EPHB2: variants seen among roughly 807,000 people sequenced by gnomAD.
EPHB2 encodes the protein ephrin type-B receptor 2.
A neutral mutation model predicts 96.4 loss-of-function variants in EPHB2; 18 were observed. That is an observed-to-expected ratio of 0.19 (90% confidence interval 0.13 to 0.28). The LOEUF is 0.28. Ranked by LOEUF, EPHB2 falls within the 10% of genes least tolerant of loss-of-function variation. The pLI, the probability that EPHB2 is intolerant of heterozygous loss-of-function variation, is 1.00. For missense variants in EPHB2, 989 were observed against 1,355.4 expected (o/e 0.73, Z 4.25); for synonymous variants, 506 against 534.1 (o/e 0.95, Z 0.72).
At chr1:22,873,987 A>G (rs1388201782) in intron 5 of EPHB2, among the ~76,000 whole-genome samples, 1 of 152,170 alleles carries the variant, frequency 6.6e-6, no homozygotes, top group East Asian at 1.9e-4. Context: ...GCCACATCCC[A>G]TTTTACAGGT....
rs973793136 is a variant in EPHB2, at chr1:22,815,818, C to T, written c.811+30742C>T. Among the ~76,000 whole-genome samples the T allele has an allele frequency of 1.9e-4, 29 of 152,154 alleles. 1 individual carries two copies. Among genetic ancestry groups the T allele is most frequent in the Admixed American group, 1.8e-3 (28 of 15,276 alleles). On this transcript the variant is annotated intron_variant, in intron 3 of 15. Coordinates refer to ENST00000374630, the MANE Select transcript of EPHB2 (RefSeq NM_017449.5). ...CAGTGTGGGGGTCTGGGGCTGGAAGCATGGCTGGGAGCCCGGGGCGGTGCT... is the reference window on the plus strand; with the variant it reads ...CAGTGTGGGGGTCTGGGGCTGGAAGTATGGCTGGGAGCCCGGGGCGGTGCT...
At chr1:22,763,525 C>T (rs1422515952) in intron 1 of EPHB2, among the ~76,000 whole-genome samples, 7 of 152,096 alleles carry the variant, frequency 4.6e-5, no homozygotes, top group Admixed American at 3.9e-4. Context: ...ACTAAAGTGG[C>T]CAGGCCCTCC....
chr1:22,745,250 C>T (rs12093721), intron 1 of EPHB2, among the ~76,000 whole-genome samples: 2,167 of 152,190 alleles, frequency 0.014, 63 homozygotes, highest in African/African-American at 0.049. Flanking sequence ...TGGAATATGA[C>T]GCAGGAATAA....
At chr1:22,849,859 C>A (rs1263348454) in intron 3 of EPHB2, among the ~76,000 whole-genome samples, 1 of 152,232 alleles carries the variant, frequency 6.6e-6, no homozygotes, top group Non-Finnish European at 1.5e-5. Flanking sequence ...GCCTGCAGAA[C>A]CCACACTGAA....
chr1:22,893,314 C>T (rs1639452332), intron 7 of EPHB2, among the ~76,000 whole-genome samples: 2 of 152,262 alleles, frequency 1.3e-5, no homozygotes, highest in African/African-American at 4.8e-5. Context: ...CTGAGCAAGT[C>T]ATGCATTCCT....
At chr1:22,719,641 C>T (rs1478725212) in intron 1 of EPHB2, 1 of 152,266 alleles carries the variant, frequency 6.6e-6, no homozygotes, top group Non-Finnish European at 1.5e-5. Flanking sequence ...GGATCTGCCC[C>T]TGTTACCCTG....
At chr1:22,880,943 T>C (rs2148548671) in intron 5 of EPHB2, among the ~76,000 whole-genome samples, 1 of 152,322 alleles carries the variant, frequency 6.6e-6, no homozygotes, top group African/African-American at 2.4e-5. Context: ...ACCCCCTCTC[T>C]TGACCTCAGT....
In EPHB2 at chr1:22,762,818, G is replaced by A. The variant is rs78710447; in HGVS notation, c.62-18603G>A. On this transcript the variant is annotated intron_variant, in intron 1 of 15. Coordinates refer to ENST00000374630, the MANE Select transcript of EPHB2 (RefSeq NM_017449.5). ...AATGGGAGTGTGATGGCCCCACACC[G>A]TAGCAGGCCTGGGTGAACTCTGCGC... Among the ~76,000 whole-genome samples, 565 of 152,256 alleles carry A rather than the reference G, an allele frequency of 3.7e-3. 23 individuals carry two copies. The East Asian group carries it at 0.086, about 23-fold the overall frequency.
Position 22,765,089 on chromosome 1 carries a change from T to C in EPHB2, c.62-16332T>C, listed in dbSNP as rs139076907. Among the ~76,000 whole-genome samples the C allele has an allele frequency of 2.1e-3, 319 of 152,198 alleles. 1 individual carries two copies. Among genetic ancestry groups the C allele is most frequent in the Non-Finnish European group, 3.7e-3 (255 of 68,018 alleles). ...GTGTCTGTCTGAGTCTAATTCTGTA[T>C]CTGGGTGAGGGTGAGGAGCCGGACA... On this transcript the variant is annotated intron_variant, in intron 1 of 15. Transcript: ENST00000374630.
intron 1 of EPHB2, among the ~76,000 whole-genome samples, chr1:22,727,980 C>A (rs1643622009): frequency 6.6e-6 from 1 of 151,818 alleles, no homozygotes; most frequent in South Asian, 2.1e-4. Flanking sequence ...GCCTCTAGCC[C>A]TCTTGAGAGT....
At position 22,737,361 on chromosome 1, in the gene EPHB2, G is replaced by A. The variant is rs201134111; in HGVS notation, c.61+26318G>A. On this transcript the variant is annotated intron_variant, in intron 1 of 15. Coordinates refer to ENST00000374630, the MANE Select transcript of EPHB2 (RefSeq NM_017449.5). ...AAAAATCAAGGTCAAACAGCTGCTCGTTGACCTGGCCCCTGAGGCCTTCTC... is the reference window on the plus strand; with the variant it reads ...AAAAATCAAGGTCAAACAGCTGCTCATTGACCTGGCCCCTGAGGCCTTCTC... 2.8e-3 allele frequency among the ~76,000 whole-genome samples: 427 copies of A among 152,268 alleles called. 2 individuals are homozygous for A. The highest frequency in any genetic ancestry group is 4.3e-3 in the East Asian group (22 of 5,176).
chr1:22,748,364 G>A (rs74632103), intron 1 of EPHB2, among the ~76,000 whole-genome samples: 9,299 of 151,398 alleles, frequency 0.061, 823 homozygotes, highest in African/African-American at 0.19. Flanking sequence ...ACCTCAAGGG[G>A]GCTTTCTGGG....
intron 3 of EPHB2, among the ~76,000 whole-genome samples, chr1:22,824,565 G>A (rs1392898864): frequency 6.6e-6 from 1 of 152,250 alleles, no homozygotes; most frequent in Non-Finnish European, 1.5e-5. Flanking sequence ...GCCAGAAGGA[G>A]GGAGGGAAGA....
At chr1:22,896,290 C>A in intron 8 of EPHB2, 124 bp from the exon 9 acceptor site, 2 of 1,216,928 alleles carry the variant, frequency 1.6e-6, no homozygotes, top group Non-Finnish European at 2.4e-6. Context: ...AAGGGGCAGG[C>A]AGGGAGCCCT....
At chr1:22,750,533 C>G (rs1039203703) in intron 1 of EPHB2, among the ~76,000 whole-genome samples, 4 of 152,174 alleles carry the variant, frequency 2.6e-5, no homozygotes, top group African/African-American at 9.7e-5. Context: ...CTTCCCTTCT[C>G]CTCCGTGCCT....
In EPHB2 at chr1:22,909,001, C is replaced by G. The variant is rs1348249707; in HGVS notation, c.2353-21C>G. 5 of 1,614,108 alleles carry G rather than the reference C, an allele frequency of 3.1e-6. No individual in the cohort carries two copies. In the South Asian group the frequency reaches 5.5e-5, roughly 18 times the overall value. On this transcript the variant is annotated intron_variant, in intron 12 of 15. Transcript: ENST00000374630. ...ACAGGCCAGCCTCCCACCCACAAACCCTCCTCTTTCTGTCTCCCAGGGCGG... is the reference window on the plus strand; with the variant it reads ...ACAGGCCAGCCTCCCACCCACAAACGCTCCTCTTTCTGTCTCCCAGGGCGG...
At chr1:22,787,402 G>C (rs992420124) in intron 3 of EPHB2, among the ~76,000 whole-genome samples, 2 of 152,226 alleles carry the variant, frequency 1.3e-5, no homozygotes, top group Admixed American at 6.5e-5. Context: ...GAAGAACTGT[G>C]ACAGGCGGGG....
At chr1:22,729,740 T>C (rs1643663971) in intron 1 of EPHB2, among the ~76,000 whole-genome samples, 1 of 152,224 alleles carries the variant, frequency 6.6e-6, no homozygotes, top group Non-Finnish European at 1.5e-5. Flanking sequence ...AACATCATAA[T>C]TTTAAAATAA....
chr1:22,772,547 T>C (rs987843015), intron 1 of EPHB2, among the ~76,000 whole-genome samples: 1 of 152,256 alleles, frequency 6.6e-6, no homozygotes, highest in African/African-American at 2.4e-5. Context: ...ATCTGCATTC[T>C]TCTAGGAGCT....
Sources: gnomAD v4.1 joint callset for allele counts (sites outside exome capture counted in the v4.1 genomes callset) on GRCh38, gnomAD v4.1.1 for gene constraint, MANE v1.5 for transcripts, NCBI Gene and HGNC (gene_info 2026-07-23, HGNC 2026-07-21) for gene names.